PCCA: variants seen among roughly 807,000 people sequenced by gnomAD.
PCCA encodes the protein propionyl-CoA carboxylase alpha chain, mitochondrial.
PCCA carries 74 observed loss-of-function variants against 101.3 expected under a neutral mutation model. That is an observed-to-expected ratio of 0.73 (90% CI 0.61 to 0.89). PCCA has a LOEUF of 0.89. Among genes scored for constraint, PCCA ranks in the 40% least tolerant of loss-of-function variants. The pLI, the probability that PCCA is intolerant of heterozygous loss-of-function variation, is 0.00. For synonymous variants in PCCA, 294 were observed against 313.6 expected (o/e 0.94, Z 0.66); for missense variants, 891 against 907.0 (o/e 0.98, Z 0.23).
At chr13:100,124,793 A>G (rs977104910) in intron 4 of PCCA, among the ~76,000 whole-genome samples, 1 of 152,102 alleles carries the variant, frequency 6.6e-6, no homozygotes, top group Non-Finnish European at 1.5e-5. Flanking sequence ...TTCATTTTTT[A>G]TATTTACATG....
At chr13:100,214,635 C>T in intron 7 of PCCA, among the ~76,000 whole-genome samples, 1 of 152,042 alleles carries the variant, frequency 6.6e-6, no homozygotes. Flanking sequence ...ACCATGTTGG[C>T]CATGATGGTC....
intron 21 of PCCA, among the ~76,000 whole-genome samples, chr13:100,505,735 C>T (rs1185794606): frequency 2.0e-5 from 3 of 152,054 alleles, no homozygotes; most frequent in Admixed American, 6.6e-5. Flanking sequence ...GGCATGGTGG[C>T]GTCTGCCTGT....
chr13:100,110,170 T>C (rs546875340), intron 2 of PCCA, among the ~76,000 whole-genome samples: 81 of 152,296 alleles, frequency 5.3e-4, no homozygotes, highest in African/African-American at 1.9e-3. Context: ...CTAGGTTATA[T>C]AAGAGTACTT....
intron 6 of PCCA, among the ~76,000 whole-genome samples, chr13:100,157,555 C>T (rs2054004213): frequency 6.6e-6 from 1 of 152,158 alleles, no homozygotes; most frequent in Non-Finnish European, 1.5e-5. Context: ...ATCACCATTA[C>T]ACTGAATGAA....
At chr13:100,349,212 C>G (rs1470853445) in intron 18 of PCCA, among the ~76,000 whole-genome samples, 2 of 152,078 alleles carry the variant, frequency 1.3e-5, no homozygotes, top group Non-Finnish European at 2.9e-5. Flanking sequence ...CAACCTCCAC[C>G]TCCCAGGTTC....
intron 6 of PCCA, among the ~76,000 whole-genome samples, chr13:100,174,733 AAAAAAAAAG>A (rs2056071009): frequency 6.6e-6 from 1 of 151,164 alleles, no homozygotes; most frequent in Non-Finnish European, 1.5e-5. Context: ...ATCTCAAAAA[AAAAAAAAAG>A]AAAAAAAAAG....
chr13:100,212,820 T>A (rs1235262819), intron 7 of PCCA, among the ~76,000 whole-genome samples: 3 of 152,118 alleles, frequency 2.0e-5, no homozygotes, highest in Non-Finnish European at 4.4e-5. Flanking sequence ...TCTTACCCAT[T>A]CTATCTAACT....
At chr13:100,440,093 CATGTT>C (rs1219629886) in intron 20 of PCCA, among the ~76,000 whole-genome samples, 11 of 146,112 alleles carry the variant, frequency 7.5e-5, no homozygotes, top group African/African-American at 2.7e-4. Context: ...ACATGAATCT[CATGTT>C]ATTTACTGAA....
intron 4 of PCCA, among the ~76,000 whole-genome samples, chr13:100,138,485 G>A (rs9557393): frequency 1.3e-5 from 2 of 152,110 alleles, no homozygotes; most frequent in East Asian, 1.9e-4. Flanking sequence ...ACAGTTAAAC[G>A]TATTTCAAAA....
At chr13:100,296,571 A>G (rs977853450) in intron 12 of PCCA, among the ~76,000 whole-genome samples, 3 of 152,074 alleles carry the variant, frequency 2.0e-5, no homozygotes, top group South Asian at 2.1e-4. Context: ...TTAACTTTAA[A>G]TTTTGAAATG....
intron 20 of PCCA, among the ~76,000 whole-genome samples, chr13:100,437,298 T>C (rs73560971): frequency 0.011 from 1,673 of 152,226 alleles, 27 homozygotes; most frequent in African/African-American, 0.037. Flanking sequence ...AGTCTAATCA[T>C]TGTGGATAAC....
chr13:100,089,295 G>T, intron 1 of PCCA, 70 bp downstream of exon 1: 1 of 1,348,348 alleles, frequency 7.4e-7, no homozygotes, highest in South Asian at 1.9e-5. Flanking sequence ...CTGGGCGGCT[G>T]GCGCCGGGAG....
intron 19 of PCCA, among the ~76,000 whole-genome samples, chr13:100,403,718 G>GA (rs2077504119): frequency 6.6e-6 from 1 of 151,914 alleles, no homozygotes; most frequent in Non-Finnish European, 1.5e-5. Flanking sequence ...TTTATTGGGT[G>GA]AAAAGGAAAA....
chr13:100,256,945 A>G (rs555788169), intron 8 of PCCA, among the ~76,000 whole-genome samples: 25 of 152,328 alleles, frequency 1.6e-4, no homozygotes, highest in African/African-American at 5.8e-4. Flanking sequence ...TTAAAACTTT[A>G]GCTGGAAGTG....
intron 22 of PCCA, among the ~76,000 whole-genome samples, chr13:100,520,274 C>T (rs1026381670): frequency 6.6e-6 from 1 of 152,172 alleles, no homozygotes; most frequent in Non-Finnish European, 1.5e-5. Flanking sequence ...CATTCCTGTC[C>T]TGTCTTCTTC....
At chr13:100,190,674 C>T (rs950062323) in intron 6 of PCCA, among the ~76,000 whole-genome samples, 1 of 151,490 alleles carries the variant, frequency 6.6e-6, no homozygotes, top group Non-Finnish European at 1.5e-5. Flanking sequence ...GACCCTGTCT[C>T]CAAAACAAAA....
intron 21 of PCCA, among the ~76,000 whole-genome samples, chr13:100,472,748 T>G (rs983965174): frequency 1.3e-5 from 2 of 152,028 alleles, no homozygotes; most frequent in African/African-American, 4.8e-5. Flanking sequence ...TGGTGTGTGT[T>G]AGAGAAAATG....
chr13:100,200,243 G>A (rs1252713070), intron 6 of PCCA, among the ~76,000 whole-genome samples: 1 of 152,080 alleles, frequency 6.6e-6, no homozygotes. Flanking sequence ...TAGGACTGCT[G>A]GAGCCTGCCA....
At chr13:100,502,114 G>A (rs2085730509) in intron 21 of PCCA, among the ~76,000 whole-genome samples, 1 of 152,088 alleles carries the variant, frequency 6.6e-6, no homozygotes, top group Admixed American at 6.5e-5. Context: ...ACAGTTAGGA[G>A]GTGTGTGAGT....
Sources: gnomAD v4.1 joint callset for allele counts (sites outside exome capture counted in the v4.1 genomes callset) on GRCh38, gnomAD v4.1.1 for gene constraint, MANE v1.5 for transcripts, NCBI Gene and HGNC (gene_info 2026-07-23, HGNC 2026-07-21) for gene names.